GNE: variants seen among roughly 807,000 people sequenced by gnomAD.
GNE encodes the protein bifunctional UDP-N-acetylglucosamine 2-epimerase/N-acetylmannosamine kinase.
A neutral mutation model predicts 61.8 loss-of-function variants in GNE; 41 were observed. The ratio of observed to expected loss-of-function variants is 0.66; its 90% CI spans 0.52 to 0.86. GNE has a LOEUF of 0.86. Among genes scored for constraint, GNE ranks in the 40% least tolerant of loss-of-function variants. The probability of loss-of-function intolerance (pLI) is 0.00; values close to 1 mark genes in which losing one functional copy is unlikely to be tolerated. For missense variants in GNE, 608 were observed against 909.1 expected, an observed-to-expected ratio of 0.67 and a Z score of 4.26; for synonymous variants, 264 against 326.4, an observed-to-expected ratio of 0.81 and a Z score of 2.06.
At chr9:36,264,754 A>G (rs947983764) in intron 1 of GNE, among the ~76,000 whole-genome samples, 3 of 152,218 alleles carry the variant, frequency 2.0e-5, no homozygotes, top group African/African-American at 7.2e-5. Context: ...GGTAGTAAAG[A>G]GAGCTCACTA....
intron 5 of GNE, among the ~76,000 whole-genome samples, chr9:36,230,839 C>T (rs1398709600): frequency 6.6e-6 from 1 of 151,850 alleles, no homozygotes; most frequent in Non-Finnish European, 1.5e-5. Context: ...AAGCAATCAT[C>T]CCACCTTGGC....
At chr9:36,272,917 C>CAAAA (rs59845826) in intron 1 of GNE, among the ~76,000 whole-genome samples, 3 of 38,332 alleles carry the variant, frequency 7.8e-5, no homozygotes, top group African/African-American at 2.0e-4. Context: ...AGTAAAAATA[C>CAAAA]AAAAAAAAAA....
At chr9:36,222,074 A>T (rs997030371) in intron 9 of GNE, among the ~76,000 whole-genome samples, 2 of 152,244 alleles carry the variant, frequency 1.3e-5, no homozygotes, top group Non-Finnish European at 2.9e-5. Flanking sequence ...TTTCATCTTA[A>T]CTAACTAGGA....
intron 1 of GNE, among the ~76,000 whole-genome samples, chr9:36,274,625 T>C (rs962020122): frequency 1.3e-5 from 2 of 152,194 alleles, no homozygotes; most frequent in African/African-American, 4.8e-5. Context: ...CTCAAACTCC[T>C]AAATAAAAGT....
At chr9:36,256,405 G>C (rs568294964) in intron 1 of GNE, among the ~76,000 whole-genome samples, 2 of 150,538 alleles carry the variant, frequency 1.3e-5, no homozygotes, top group African/African-American at 4.9e-5. Context: ...CCACCACATC[G>C]AGCTAATTTT....
chr9:36,228,372 GTCAAAATT>G (rs1292236867), intron 6 of GNE, among the ~76,000 whole-genome samples: 3 of 151,706 alleles, frequency 2.0e-5, no homozygotes, highest in African/African-American at 7.3e-5. Context: ...AAGGAGGGTG[GTCAAAATT>G]AATTAAAAAG....
chr9:36,275,712 C>T (rs1479698749), intron 1 of GNE, among the ~76,000 whole-genome samples: 2 of 152,050 alleles, frequency 1.3e-5, no homozygotes, highest in African/African-American at 2.4e-5. Flanking sequence ...CAAGTTCCAG[C>T]TAGAAGCTCA....
chr9:36,238,900 T>C (rs758928156), intron 3 of GNE, among the ~76,000 whole-genome samples: 24 of 152,206 alleles, frequency 1.6e-4, no homozygotes, highest in Non-Finnish European at 2.6e-4. Flanking sequence ...CTTGAGTTGA[T>C]TTTTGTATAA....
chr9:36,268,597 G>A (rs1321088474), intron 1 of GNE, among the ~76,000 whole-genome samples: 1 of 152,058 alleles, frequency 6.6e-6, no homozygotes, highest in Non-Finnish European at 1.5e-5. Flanking sequence ...GAGCCTGGGA[G>A]GCTGAGGCTG....
upstream of GNE, among the ~76,000 whole-genome samples, chr9:36,262,681 G>C (rs1205134252): frequency 2.6e-5 from 4 of 152,128 alleles, no homozygotes; most frequent in African/African-American, 9.7e-5. Context: ...GCATAACTAG[G>C]CTATCAATGA....
intron 9 of GNE, among the ~76,000 whole-genome samples, chr9:36,221,707 G>A (rs1828592858): frequency 6.6e-6 from 1 of 152,188 alleles, no homozygotes; most frequent in Non-Finnish European, 1.5e-5. Flanking sequence ...AGGGCCAGGT[G>A]CAGTGGGTCA....
In GNE at chr9:36,227,397, C is replaced by A. The variant is rs199877522; in HGVS notation, c.1132G>T (p.Asp378Tyr). 3.8e-4 allele frequency: 605 copies of A among 1,612,536 alleles called. No homozygotes were observed. Among genetic ancestry groups the A allele is most frequent in the Non-Finnish European group, 4.7e-4 (553 of 1,178,710 alleles). Residue 378 changes from aspartate (D) to tyrosine (Y), a missense_variant, in exon 7 of 12, where the codon GAT (aspartate) becomes TAT (tyrosine). Coordinates refer to ENST00000642385, the MANE Select transcript of GNE (RefSeq NM_005476.7). ...TTCTTTTGCAGTGGCTCTTGAAGATCGATAGATTTGAGAAACTTCAAAATC... is the reference window on the plus strand; with the variant it reads ...TTCTTTTGCAGTGGCTCTTGAAGATAGATAGATTTGAGAAACTTCAAAATC... The part of the protein sequence containing the change: ...PRILKFLKSI[D>Y]LQEPLQKKFC...
intron 1 of GNE, among the ~76,000 whole-genome samples, chr9:36,266,389 A>G (rs1830791166): frequency 6.6e-6 from 1 of 152,238 alleles, no homozygotes; most frequent in African/African-American, 2.4e-5. Context: ...CAGAAAAGAA[A>G]ATTGCTCCTG....
At chr9:36,264,860 AG>A (rs1271279430) in intron 1 of GNE, 1 of 156,900 alleles carries the variant, frequency 6.4e-6, no homozygotes, top group African/African-American at 2.4e-5. Context: ...ATATAAAGCC[AG>A]GCATTCCAGC....
chr9:36,268,183 C>G (rs1353828632), intron 1 of GNE, among the ~76,000 whole-genome samples: 2 of 152,022 alleles, frequency 1.3e-5, no homozygotes, highest in African/African-American at 4.8e-5. Flanking sequence ...TATTTCTTAT[C>G]TGGCTGCTTG....
At position 36,249,686 on chromosome 9, in the gene GNE, G is replaced by C. The variant is rs1240550865; in HGVS notation, c.-42-289C>G. 4.6e-5 allele frequency among the ~76,000 whole-genome samples: 7 copies of C among 152,080 alleles called. 1 individual carries two copies. In the East Asian group the frequency reaches 1.2e-3, roughly 25 times the overall value. On this transcript the variant is annotated intron_variant, in intron 1 of 11. Coordinates refer to ENST00000642385, the MANE Select transcript of GNE (RefSeq NM_005476.7). ...GAGGTCAGGAGATCAAGACCATCCTGGCTAACGTGGTGAAACCCCGTCTCT... is the reference window on the plus strand; with the variant it reads ...GAGGTCAGGAGATCAAGACCATCCTCGCTAACGTGGTGAAACCCCGTCTCT...
At chr9:36,252,598 T>TA (rs1327926478) in intron 1 of GNE, among the ~76,000 whole-genome samples, 6 of 152,134 alleles carry the variant, frequency 3.9e-5, no homozygotes, top group Non-Finnish European at 5.9e-5. Context: ...CCTAGAAACC[T>TA]AAAAAACCTT....
intron 1 of GNE, among the ~76,000 whole-genome samples, chr9:36,255,300 C>T (rs567846230): frequency 3.9e-4 from 60 of 152,164 alleles, no homozygotes; most frequent in Non-Finnish European, 5.9e-4. Flanking sequence ...CTCCACCTCC[C>T]GGGTTCAATC....
chr9:36,230,722 C>T (rs1344161913), intron 5 of GNE, among the ~76,000 whole-genome samples: 1 of 149,982 alleles, frequency 6.7e-6, no homozygotes. Flanking sequence ...TGCAGTGGCG[C>T]GATCTTGGCT....
Sources: gnomAD v4.1 joint callset for allele counts (sites outside exome capture counted in the v4.1 genomes callset) on GRCh38, gnomAD v4.1.1 for gene constraint, MANE v1.5 for transcripts, NCBI Gene and HGNC (gene_info 2026-07-23, HGNC 2026-07-21) for gene names.